Variants in TNNI3K observed in about 807,000 individuals in gnomAD.
TNNI3K encodes TNNI3 interacting kinase.
Under a neutral mutation model 114.5 loss-of-function variants are expected in TNNI3K, and 140 were observed. The observed-to-expected ratio is 1.22, with a 90% CI of 1.07 to 1.41. The LOEUF (loss-of-function observed/expected upper bound fraction) is 1.41. Ranked by LOEUF, TNNI3K falls within the 40% of genes most tolerant of loss-of-function variation. TNNI3K has a pLI of 0.00. For synonymous variants in TNNI3K, 347 were observed against 347.5 expected (o/e 1.00, Z 0.02); for missense variants, 1,125 against 1,007.6 (o/e 1.12, Z -1.58).
chr1:74,536,486 T>C (rs1646661930), intron 23 of TNNI3K, among the ~76,000 whole-genome samples: 1 of 152,188 alleles, frequency 6.6e-6, no homozygotes, highest in Admixed American at 6.6e-5. Context: ...ATTATTCATA[T>C]CCTAATGCAC....
Position 74,369,605 on chromosome 1 carries a change from A to G in TNNI3K, c.1667+20A>G. On this transcript the variant is annotated intron_variant, in intron 16 of 24. Coordinates refer to ENST00000326637, the MANE Select transcript of TNNI3K (RefSeq NM_015978.3). ...GAAGAGGTATGGGTCTTTTGTTCTG[A>G]TTTATCCTTGGACATTCCGTAGAAA... 1 of 1,578,360 alleles carries G rather than the reference A, an allele frequency of 6.3e-7. No individual in the cohort carries two copies. The highest frequency in any genetic ancestry group is 1.9e-5 in the Admixed American group (1 of 53,938).
chr1:74,383,176 T>C (rs1663293604), intron 17 of TNNI3K, among the ~76,000 whole-genome samples: 1 of 152,136 alleles, frequency 6.6e-6, no homozygotes, highest in Admixed American at 6.6e-5. Context: ...ATTGAACTTT[T>C]ATTAATTTTC....
rs1052468921 is a variant in TNNI3K, at chr1:74,358,612, A to G, written c.1177+4483A>G. 3.3e-5 allele frequency among the ~76,000 whole-genome samples: 5 copies of G among 152,038 alleles called. No homozygotes were observed. The South Asian group carries it at 1.0e-3, about 31-fold the overall frequency. On this transcript the variant is annotated intron_variant, in intron 11 of 24. Transcript: ENST00000326637. ...TTATGAACTCTCAGGCTTTTTCTAT[A>G]TTGAATTCCTATCTATTTCAAGTTT... is the stretch of plus-strand genomic sequence containing the variant.
chr1:74,321,144 T>C (rs188404430), intron 5 of TNNI3K, among the ~76,000 whole-genome samples: 3 of 152,284 alleles, frequency 2.0e-5, no homozygotes, highest in Admixed American at 1.3e-4. Context: ...ATCATGAACA[T>C]TGAAAGCCTG....
At chr1:74,372,069 A>T (rs1455044680) in intron 17 of TNNI3K, 1 of 145,260 alleles carries the variant, frequency 6.9e-6, no homozygotes, top group Non-Finnish European at 1.5e-5. Context: ...TCCAATTAGC[A>T]GTGGTTACAA....
intron 23 of TNNI3K, among the ~76,000 whole-genome samples, chr1:74,517,752 C>T (rs192823060): frequency 5.7e-4 from 87 of 152,262 alleles, no homozygotes; most frequent in African/African-American, 1.9e-3. Context: ...CTTAGTTCAT[C>T]GTCTCAATCA....
rs10158442 is a variant in TNNI3K, at chr1:74,401,793, A to C, written c.1772+31401A>C. ...ATAAAATTGCTATGTAATTAATTCA[A>C]ATCTCTTCTTATTTTATGTTTCAAT... On this transcript the variant is annotated intron_variant, in intron 17 of 24. Transcript: ENST00000326637. 1,079 of 445,886 alleles carry C rather than the reference A, an allele frequency of 2.4e-3. 11 individuals are homozygous for C. Among genetic ancestry groups the C allele is most frequent in the African/African-American group, 0.02 (971 of 49,496 alleles). The allele number at this position is 445,886 out of a possible 1,614,324, so 27.6% of individuals were successfully genotyped here.
intron 17 of TNNI3K, among the ~76,000 whole-genome samples, chr1:74,384,727 T>G (rs893553401): frequency 6.6e-6 from 1 of 152,180 alleles, no homozygotes; most frequent in Admixed American, 6.5e-5. Context: ...TAAAATCAGA[T>G]TCATGTGAAC....
intron 21 of TNNI3K, 88 bp from the exon 22 acceptor site, chr1:74,489,101 T>G: frequency 9.3e-7 from 1 of 1,075,598 alleles, no homozygotes. Flanking sequence ...TCTCATTCTT[T>G]ACAAATGCTA....
chr1:74,416,334 G>A (rs777993605), intron 17 of TNNI3K: 11 of 985,168 alleles, frequency 1.1e-5, no homozygotes, highest in South Asian at 9.4e-5. Flanking sequence ...CCTTAGTGAC[G>A]GGCTACACTA....
rs75849380 is a variant in TNNI3K at position 74,383,762 on chromosome 1, G to A, written c.1772+13370G>A. On this transcript the variant is annotated intron_variant, in intron 17 of 24. Transcript: ENST00000326637. The stretch of plus-strand genomic sequence containing the variant: ...AATTAATAATAATCAAGAAACATAA[G>A]GATAACATATATTAATGTTCTTTAT... Among the ~76,000 whole-genome samples the A allele has an allele frequency of 6.3e-3, 958 of 152,096 alleles. 13 individuals carry two copies. Among genetic ancestry groups the A allele is most frequent in the African/African-American group, 0.022 (912 of 41,514 alleles).
intron 4 of TNNI3K, among the ~76,000 whole-genome samples, chr1:74,259,217 C>G (rs541586414): frequency 3.3e-5 from 5 of 152,112 alleles, no homozygotes; most frequent in African/African-American, 1.2e-4. Context: ...CACGATCTTC[C>G]GTCTATAAGC....
At chr1:74,515,582 G>T (rs79960968) in intron 23 of TNNI3K, among the ~76,000 whole-genome samples, 2,072 of 152,264 alleles carry the variant, frequency 0.014, 40 homozygotes, top group African/African-American at 0.045. Context: ...GTCAGGAAGA[G>T]ATTGCAAGTA....
chr1:74,423,625 T>C (rs1665498888), intron 17 of TNNI3K, among the ~76,000 whole-genome samples: 1 of 152,152 alleles, frequency 6.6e-6, no homozygotes, highest in Non-Finnish European at 1.5e-5. Context: ...ATTCAAAATA[T>C]CTCGCTGTGT....
intron 10 of TNNI3K, 111 bp downstream of exon 10, chr1:74,353,471 G>C (rs879651710): frequency 8.7e-6 from 10 of 1,145,838 alleles, no homozygotes; most frequent in Non-Finnish European, 1.2e-5. Flanking sequence ...AGTGGGAAAG[G>C]GTATTTTATC....
intron 17 of TNNI3K, among the ~76,000 whole-genome samples, chr1:74,402,759 T>A (rs1664431463): frequency 6.6e-6 from 1 of 152,234 alleles, no homozygotes; most frequent in Admixed American, 6.5e-5. Context: ...CCTTATCTTC[T>A]AGAGTAAGCT....
In TNNI3K at chr1:74,429,107, A is replaced by G. The variant is rs532756248; in HGVS notation, c.1773-6973A>G. 2.0e-5 allele frequency among the ~76,000 whole-genome samples: 3 copies of G among 152,162 alleles called. No individual in the cohort carries two copies. The South Asian group carries it at 6.2e-4, about 32-fold the overall frequency. On this transcript the variant is annotated intron_variant, in intron 17 of 24. Transcript: ENST00000326637. ...CAGTTACCACATAATATACATGAATAAGGAGCTAATCTCCCTGAGCCCAAA... is the reference window on the plus strand; with the variant it reads ...CAGTTACCACATAATATACATGAATGAGGAGCTAATCTCCCTGAGCCCAAA...
intron 23 of TNNI3K, among the ~76,000 whole-genome samples, chr1:74,501,123 T>C (rs952107165): frequency 1.2e-4 from 19 of 152,318 alleles, no homozygotes; most frequent in Admixed American, 5.2e-4. Flanking sequence ...TTTCTCACTC[T>C]ATTTTCCACA....
intron 21 of TNNI3K, chr1:74,483,414 G>A: frequency 1.4e-6 from 1 of 707,648 alleles, no homozygotes; most frequent in South Asian, 1.5e-5. Flanking sequence ...TCATAATGTT[G>A]GCATTCACTG....
Sources: gnomAD v4.1 joint callset for allele counts (sites outside exome capture counted in the v4.1 genomes callset) on GRCh38, gnomAD v4.1.1 for gene constraint, MANE v1.5 for transcripts, NCBI Gene and HGNC (gene_info 2026-07-23, HGNC 2026-07-21) for gene names.